The following CRACD variants were observed in gnomAD, a reference collection of about 807,000 sequenced individuals.
The protein encoded by CRACD is capping protein inhibiting regulator of actin dynamics, also known as capping protein-inhibiting regulator of actin dynamics.
CRACD carries 56 observed loss-of-function variants against 106.8 expected under a neutral mutation model. The observed-to-expected ratio is 0.52, with a 90% CI of 0.42 to 0.66. The LOEUF is 0.66. Ranked by LOEUF, CRACD falls within the 30% of genes least tolerant of loss-of-function variation. CRACD has a pLI of 0.00. For synonymous variants in CRACD, 754 were observed against 670.8 expected (o/e 1.12, Z -1.92); for missense variants, 1,730 against 1,623.2 (o/e 1.07, Z -1.13).
chr4:56,174,410 A>G (rs1196592778), intron 1 of CRACD, among the ~76,000 whole-genome samples: 1 of 152,122 alleles, frequency 6.6e-6, no homozygotes, highest in Non-Finnish European at 1.5e-5. Context: ...GTATTTTTGT[A>G]CCCATTAATC....
At chr4:56,149,442 AAAG>A (rs1181311926) in intron 1 of CRACD, among the ~76,000 whole-genome samples, 3 of 152,194 alleles carry the variant, frequency 2.0e-5, no homozygotes, top group African/African-American at 2.4e-5. Flanking sequence ...AATGGAAAGA[AAAG>A]AAGATTTCTT....
intron 1 of CRACD, among the ~76,000 whole-genome samples, chr4:56,177,166 C>T (rs1456330647): frequency 6.6e-6 from 1 of 152,140 alleles, no homozygotes; most frequent in Non-Finnish European, 1.5e-5. Context: ...TTCAATTTCC[C>T]CTGTTCAGTG....
chr4:56,135,831 C>G (rs2109870738), intron 1 of CRACD, among the ~76,000 whole-genome samples: 1 of 152,270 alleles, frequency 6.6e-6, no homozygotes, highest in African/African-American at 2.4e-5. Context: ...ACTCTTTGCT[C>G]TTTTGAAACT....
intron 1 of CRACD, among the ~76,000 whole-genome samples, chr4:56,050,755 CA>C (rs1731847581): frequency 7.8e-6 from 1 of 128,480 alleles, no homozygotes; most frequent in Non-Finnish European, 1.6e-5. Flanking sequence ...CAGAAGTGGG[CA>C]GGGAAAAAAT....
intron 1 of CRACD, among the ~76,000 whole-genome samples, chr4:56,172,685 G>A (rs1017754022): frequency 9.9e-5 from 15 of 150,860 alleles, no homozygotes; most frequent in African/African-American, 3.4e-4. Context: ...GTGCAGTGGC[G>A]TGATCTCGGC....
At chr4:56,311,177 C>G (rs1745135553) in intron 6 of CRACD, 1 of 170,452 alleles carries the variant, frequency 5.9e-6, no homozygotes, top group Admixed American at 6.0e-5. Flanking sequence ...TTTCTGTGTC[C>G]TTTTTTTTAA....
At chr4:56,110,672 C>T (rs1405889585) in intron 1 of CRACD, among the ~76,000 whole-genome samples, 1 of 152,118 alleles carries the variant, frequency 6.6e-6, no homozygotes, top group Non-Finnish European at 1.5e-5. Flanking sequence ...TCTTGGCTCA[C>T]TGGTACCTCC....
chr4:56,261,932 A>G (rs1741733187), intron 2 of CRACD, among the ~76,000 whole-genome samples: 2 of 152,210 alleles, frequency 1.3e-5, no homozygotes, highest in South Asian at 4.1e-4. Flanking sequence ...CTAAAAATCC[A>G]CATACTTTGC....
intron 4 of CRACD, among the ~76,000 whole-genome samples, chr4:56,300,062 C>T (rs143419465): frequency 5.3e-5 from 8 of 151,890 alleles, no homozygotes; most frequent in Non-Finnish European, 1.0e-4. Context: ...CACTTGAACC[C>T]GGGAGGTGGA....
intron 2 of CRACD, among the ~76,000 whole-genome samples, chr4:56,259,711 T>A (rs766428206): frequency 1.1e-4 from 16 of 152,042 alleles, no homozygotes; most frequent in Non-Finnish European, 2.2e-4. Context: ...AGTGATTCCA[T>A]TGAATTGGAA....
chr4:56,220,411 A>T (rs1056280762), intron 2 of CRACD, among the ~76,000 whole-genome samples: 1 of 152,164 alleles, frequency 6.6e-6, no homozygotes, highest in Non-Finnish European at 1.5e-5. Context: ...TGGGATTTTC[A>T]TTGGTGTATG....
chr4:56,094,555 G>A (rs1733530601), intron 1 of CRACD, among the ~76,000 whole-genome samples: 1 of 151,738 alleles, frequency 6.6e-6, no homozygotes, highest in African/African-American at 2.4e-5. Context: ...CTGGGTTCAG[G>A]CAATTCTCTC....
intron 2 of CRACD, chr4:56,216,411 CA>C (rs1322931572): frequency 2.0e-5 from 3 of 152,020 alleles, no homozygotes; most frequent in Admixed American, 6.6e-5. Flanking sequence ...AATTGTAATT[CA>C]TTCTGAGCAT....
chr4:56,327,820 C>T lies in CRACD; in HGVS notation c.*16C>T. On this transcript the variant is annotated 3_prime_UTR_variant, in exon 11 of 11. Coordinates refer to ENST00000682029, the MANE Select transcript of CRACD (RefSeq NM_001393381.1). ...TATTAAGTAAAGAGTGACTCTCACC[C>T]ATCCCTACTGCCAGTTATTGGCTCC... 6.2e-7 allele frequency: 1 copy of T among 1,604,470 alleles called. No individual in the cohort carries two copies. Among genetic ancestry groups the T allele is most frequent in the South Asian group, 1.1e-5 (1 of 90,198 alleles).
At chr4:56,094,684 C>T (rs1733536334) in intron 1 of CRACD, among the ~76,000 whole-genome samples, 1 of 152,116 alleles carries the variant, frequency 6.6e-6, no homozygotes, top group Admixed American at 6.5e-5. Flanking sequence ...GAACTCCTGG[C>T]CTCAAGTGAT....
At chr4:56,211,723 AG>A (rs1178558120) in intron 2 of CRACD, among the ~76,000 whole-genome samples, 1 of 152,220 alleles carries the variant, frequency 6.6e-6, no homozygotes, top group East Asian at 1.9e-4. Context: ...TATGCAAGAA[AG>A]GTTAAAACAA....
At chr4:56,088,523 A>G (rs1426995127) in intron 1 of CRACD, among the ~76,000 whole-genome samples, 1 of 151,878 alleles carries the variant, frequency 6.6e-6, no homozygotes, top group Non-Finnish European at 1.5e-5. Context: ...TTTAAGAAAT[A>G]CTTACTTATA....
At chr4:56,230,739 G>A (rs533870232) in intron 2 of CRACD, among the ~76,000 whole-genome samples, 15 of 152,278 alleles carry the variant, frequency 9.9e-5, no homozygotes, top group Non-Finnish European at 2.2e-4. Context: ...TTCAAATAAA[G>A]GTCTTCAGAG....
In CRACD at chr4:56,314,137, C is replaced by T; in HGVS notation, c.635C>T (p.Pro212Leu). 1 of 1,614,140 alleles carries T rather than the reference C, an allele frequency of 6.2e-7. No homozygotes were observed. The highest frequency in any genetic ancestry group is 1.1e-5 in the South Asian group (1 of 91,070). Residue 212 changes from proline to leucine, a missense_variant, in exon 8 of 11, where the codon CCC (proline) becomes CTC (leucine). Pro to Leu is a moderately conservative substitution (Grantham distance 98, BLOSUM62 -3). Transcript: ENST00000682029. The surrounding 1 kb of genome is among the most constrained non-coding windows in gnomAD (Gnocchi z 4.4). Reference sequence around the variant, plus strand: ...AAGCCAACGTGGCACGAAGAGGAACCCAATCCGCTGGATTCCGAGGAAGAG... The same window carrying T: ...AAGCCAACGTGGCACGAAGAGGAACTCAATCCGCTGGATTCCGAGGAAGAG... ...EDKPTWHEEE[P>L]NPLDSEEERR...
Sources: gnomAD v4.1 joint callset for allele counts (sites outside exome capture counted in the v4.1 genomes callset) on GRCh38, gnomAD v4.1.1 for gene constraint, Gnocchi (gnomAD v3.1) non-coding constraint, MANE v1.5 for transcripts, NCBI Gene and HGNC (gene_info 2026-07-23, HGNC 2026-07-21) for gene names.